NUP188: variants seen among roughly 807,000 people sequenced by gnomAD.
NUP188 encodes nucleoporin NUP188.
In NUP188, 97 loss-of-function variants were observed where a neutral mutation model predicts 223.0. That is an observed-to-expected ratio of 0.43 (90% CI 0.37 to 0.51). The LOEUF is 0.51. Among genes scored for constraint, NUP188 ranks in the 20% least tolerant of loss-of-function variants. NUP188 has a pLI of 0.00. For synonymous variants in NUP188, 869 were observed against 828.0 expected (o/e 1.05, Z -0.85); for missense variants, 1,947 against 2,175.6 (o/e 0.89, Z 2.09).
chr9:128,991,970 C>T (rs1271786193), intron 25 of NUP188, among the ~76,000 whole-genome samples: 2 of 138,432 alleles, frequency 1.4e-5, no homozygotes, highest in Non-Finnish European at 3.1e-5. Flanking sequence ...TGCAGTGGCG[C>T]GATCTCGGCT....
chr9:128,958,015 ACTGC>A lies in NUP188; in HGVS notation c.334_337del (p.Leu112LysfsTer9). ...TGCTCTGTTTTTCTTTTCAGACAGTACTGCAAGATGAGAGGCAGAGCCAGGCCTT... is the reference window on the plus strand; with the variant it reads ...TGCTCTGTTTTTCTTTTCAGACAGTAAAGATGAGAGGCAGAGCCAGGCCTT... On this transcript the variant is annotated frameshift_variant, in exon 6 of 44. Transcript: ENST00000372577. LOFTEE classifies it high-confidence loss of function. 6.2e-7 allele frequency: 1 copy of A among 1,612,950 alleles called. No homozygotes were observed. The highest frequency in any genetic ancestry group is 8.5e-7 in the Non-Finnish European group (1 of 1,179,320).
intron 13 of NUP188, 31 bp downstream of exon 13, chr9:128,979,358 C>T (rs1227062872): frequency 1.3e-6 from 2 of 1,509,770 alleles, no homozygotes; most frequent in East Asian, 2.3e-5. Context: ...CACTGCATAG[C>T]AAAAGAATTG....
chr9:129,005,041 G>T, intron 38 of NUP188, 106 bp from the exon 39 acceptor site: 1 of 743,676 alleles, frequency 1.3e-6, no homozygotes, highest in South Asian at 1.6e-5. Flanking sequence ...GAGCAGCAGC[G>T]AGTGAGGAGC....
At position 128,980,588 on chromosome 9, in the gene NUP188, T is replaced by G; in HGVS notation, c.1270-18T>G. 1 of 1,600,720 alleles carries G rather than the reference T, an allele frequency of 6.2e-7. No homozygotes were observed. Among genetic ancestry groups the G allele is most frequent in the Non-Finnish European group, 8.5e-7 (1 of 1,174,092 alleles). On this transcript the variant is annotated intron_variant, in intron 13 of 43. Coordinates refer to ENST00000372577, the MANE Select transcript of NUP188 (RefSeq NM_015354.3). ...GTGGATAATGTGAAGATCAGTGATT[T>G]GTCCCCTTCCACCACAGGAGCCAAC...
intron 13 of NUP188, 96 bp downstream of exon 13, chr9:128,979,423 C>T: frequency 2.4e-6 from 2 of 830,704 alleles, no homozygotes; most frequent in Non-Finnish European, 3.9e-6. Context: ...TGCATTTTCT[C>T]ATTTAATCTT....
At chr9:128,977,628 G>A (rs568364645) in intron 12 of NUP188, among the ~76,000 whole-genome samples, 2 of 152,150 alleles carry the variant, frequency 1.3e-5, no homozygotes, top group East Asian at 3.9e-4. Flanking sequence ...CAGCCAACAT[G>A]GTGAAACTAA....
chr9:128,956,733 CGTT>C (rs529845431), intron 4 of NUP188, among the ~76,000 whole-genome samples: 277 of 152,190 alleles, frequency 1.8e-3, no homozygotes, highest in African/African-American at 6.5e-3. Context: ...GAATAAGCAT[CGTT>C]GTTTCTGGCA....
chr9:128,971,724 CT>C (rs1206104893), intron 11 of NUP188, among the ~76,000 whole-genome samples: 2 of 150,480 alleles, frequency 1.3e-5, no homozygotes, highest in Admixed American at 6.6e-5. Flanking sequence ...AGCTAGTGAG[CT>C]CGTTTTGACA....
chr9:128,979,781 C>T (rs999182482), intron 13 of NUP188, among the ~76,000 whole-genome samples: 4 of 152,052 alleles, frequency 2.6e-5, no homozygotes, highest in East Asian at 1.9e-4. Context: ...TACAGGCGCC[C>T]GCCACCATGC....
In NUP188 at chr9:128,980,634, T is replaced by C. The variant is rs1842241021; in HGVS notation, c.1298T>C (p.Leu433Pro). Residue 433 changes from leucine (L) to proline (P), a missense_variant, in exon 14 of 44, where the codon CTG (leucine) becomes CCG (proline). Leu to Pro is a moderately conservative substitution (Grantham distance 98). Transcript: ENST00000372577. ...TEPTSGLGII[L>P]DSVCGMFPHL... ...CCAACTTCTGGCCTTGGGATCATTC[T>C]GGACAGTGTGTGTGGAATGTTTCCC... 1 of 1,614,072 alleles carries C rather than the reference T, an allele frequency of 6.2e-7. No homozygotes were observed. The highest frequency in any genetic ancestry group is 8.5e-7 in the Non-Finnish European group (1 of 1,180,020).
At chr9:128,968,813 C>T in intron 9 of NUP188, 96 bp downstream of exon 9, 1 of 915,924 alleles carries the variant, frequency 1.1e-6, no homozygotes, top group Non-Finnish European at 1.7e-6. Context: ...GTACTTTTCA[C>T]TTAATCGGTG....
chr9:128,959,985 A>G (rs1841923817), intron 8 of NUP188, among the ~76,000 whole-genome samples: 1 of 151,854 alleles, frequency 6.6e-6, no homozygotes, highest in Non-Finnish European at 1.5e-5. Flanking sequence ...TTTAGTGGTT[A>G]ATAGAATTCT....
intron 5 of NUP188, among the ~76,000 whole-genome samples, chr9:128,957,743 C>A (rs899654319): frequency 6.6e-6 from 1 of 152,090 alleles, no homozygotes. Flanking sequence ...GGATTACAGG[C>A]GTGAGCCACC....
Position 128,995,398 on chromosome 9 carries a change from G to A in NUP188, c.3235G>A (p.Val1079Ile), listed in dbSNP as rs1564564829. 11 of 1,614,158 alleles carry A rather than the reference G, an allele frequency of 6.8e-6. No individual in the cohort carries two copies. Among genetic ancestry groups the A allele is most frequent in the African/African-American group, 1.3e-5 (1 of 75,062 alleles). ...EKRFAYWSGYVKSLAVHVAET... is the reference protein window; with the variant it reads ...EKRFAYWSGYIKSLAVHVAET... ...ACGCTTTGCCTACTGGTCAGGGTATGTCAAGTCATTGGCAGTTCACGTGGC... is the reference window on the plus strand; with the variant it reads ...ACGCTTTGCCTACTGGTCAGGGTATATCAAGTCATTGGCAGTTCACGTGGC... Residue 1079 changes from valine (V) to isoleucine (I), a missense_variant, in exon 30 of 44, where the codon GTC becomes ATC. Coordinates refer to ENST00000372577, the MANE Select transcript of NUP188 (RefSeq NM_015354.3).
At chr9:128,968,424 CCTTT>C in intron 8 of NUP188, 78 bp from the exon 9 acceptor site, 1 of 1,067,192 alleles carries the variant, frequency 9.4e-7, no homozygotes, top group Non-Finnish European at 1.4e-6. Flanking sequence ...AGATTGAGAC[CCTTT>C]CTTTAAAAAA....
chr9:128,978,535 C>T (rs1426424943), intron 12 of NUP188, among the ~76,000 whole-genome samples: 6 of 142,758 alleles, frequency 4.2e-5, no homozygotes, highest in Non-Finnish European at 9.0e-5. Flanking sequence ...TGCACTCCAG[C>T]CTGGGCGACA....
chr9:128,975,226 C>CTTTTTT lies in NUP188; in HGVS notation c.1203+1989_1203+1994dup, dbSNP rs540828761. 1.6e-3 allele frequency among the ~76,000 whole-genome samples: 214 copies of CTTTTTT among 131,838 alleles called. 3 individuals are homozygous for CTTTTTT. The highest frequency in any genetic ancestry group is 5.7e-3 in the African/African-American group (192 of 33,626). 86.5% of individuals were successfully genotyped at this position (131,838 alleles called of 152,430 possible). A position where few individuals can be genotyped will look rare whatever the true frequency, so the allele number is the denominator to read the frequency against. ...AATTAATTAATTTCTTTTTCTTTTC[C>CTTTTTT]TTTTTTTTTTTTTTTTTGAGACGGA... is the stretch of plus-strand genomic sequence containing the variant. On this transcript the variant is annotated intron_variant, in intron 12 of 43. Coordinates refer to ENST00000372577, the MANE Select transcript of NUP188 (RefSeq NM_015354.3).
At chr9:128,993,474 A>G in intron 26 of NUP188, 51 bp from the exon 27 acceptor site, 1 of 1,613,016 alleles carries the variant, frequency 6.2e-7, no homozygotes, top group South Asian at 1.1e-5. Flanking sequence ...CTGCAAGTAC[A>G]GCTGCTGGCA....
intron 25 of NUP188, among the ~76,000 whole-genome samples, chr9:128,990,880 G>C (rs374111664): frequency 6.3e-4 from 96 of 151,820 alleles, no homozygotes; most frequent in African/African-American, 2.2e-3. Flanking sequence ...TTAGCCAGGC[G>C]TGGTGGCAGG....
Sources: allele counts gnomAD v4.1 joint callset (sites outside exome capture counted in the v4.1 genomes callset), GRCh38; gene constraint gnomAD v4.1.1; transcripts MANE v1.5; gene names NCBI Gene and HGNC (gene_info 2026-07-23, HGNC 2026-07-21).